The following KRT40 variants were observed in gnomAD, a reference collection of about 807,000 sequenced individuals.
KRT40 encodes keratin 40.
KRT40 carries 47 observed loss-of-function variants against 43.5 expected under a neutral mutation model. The observed-to-expected ratio is 1.08, with a 90% CI of 0.86 to 1.38. The LOEUF (loss-of-function observed/expected upper bound fraction) is 1.38. Among genes scored for constraint, KRT40 ranks in the 40% most tolerant of loss-of-function variants. The pLI is 0.00. For synonymous variants in KRT40, 212 were observed against 214.0 expected (o/e 0.99, Z 0.08); for missense variants, 573 against 523.6 (o/e 1.09, Z -0.92).
upstream of KRT40, chr17:40,986,951 C>G (rs1397295614): frequency 6.6e-6 from 1 of 152,216 alleles, no homozygotes; most frequent in African/African-American, 2.4e-5. Flanking sequence ...GATGTTCTGT[C>G]TCACAAACCC....
chr17:40,978,888 T>C lies in KRT40; in HGVS notation c.1112A>G (p.Glu371Gly), dbSNP rs762576722. 1.4e-5 allele frequency: 22 copies of C among 1,614,072 alleles called. No homozygotes were observed. The highest frequency in any genetic ancestry group is 1.8e-5 in the Non-Finnish European group (21 of 1,180,012). The change falls in exon 6 of 7, where the codon GAG becomes GGG. Residue 371 changes from glutamate to glycine, a missense_variant. By Grantham distance (98) the Glu-to-Gly change is moderately conservative. Transcript: ENST00000377755. ...IRCDLERQNQEYQVLLDVKAR... is the reference protein window; with the variant it reads ...IRCDLERQNQGYQVLLDVKAR... ...CTTCACGTCCAGGAGCACCTGGTAC[T>C]CCTGGTTCTGTCGCTCCAGGTCGCA...
At chr17:40,980,725 T>C (rs1317421342) in intron 5 of KRT40, 60 bp downstream of exon 5, 19 of 1,521,248 alleles carry the variant, frequency 1.2e-5, no homozygotes, top group Non-Finnish European at 1.4e-5. Flanking sequence ...GGAAGAGGGC[T>C]TAACATCTCA....
In KRT40 at chr17:40,978,694, C is replaced by T. The variant is rs1911936734; in HGVS notation, c.1196+110G>A. The T allele has an allele frequency of 4.5e-6, 4 of 881,940 alleles. No homozygotes were observed. In the East Asian group the frequency reaches 9.8e-5, roughly 22 times the overall value. 54.6% of individuals were successfully genotyped at this position (881,940 alleles called of 1,614,324 possible). On this transcript the variant is annotated intron_variant, in intron 6 of 6. Coordinates refer to ENST00000377755, the MANE Select transcript of KRT40 (RefSeq NM_001389244.1). ...TTTCAGCACTTTTTTAAGAAGATCC[C>T]TAAACACACTGGGGAGGTCTGAACT...
intron 5 of KRT40, 25 bp downstream of exon 5, chr17:40,980,760 C>T (rs201112095): frequency 8.1e-5 from 126 of 1,564,592 alleles, no homozygotes; most frequent in East Asian, 7.6e-4. Flanking sequence ...AGTGACACAA[C>T]GGACACTGCC....
At position 40,984,023 on chromosome 17, in the gene KRT40, A is replaced by G; in HGVS notation, c.251T>C (p.Val84Ala). The change falls in exon 1 of 7, where the codon GTG (valine) becomes GCG (alanine). Residue 84 changes from valine (V) to alanine (A), a missense_variant. Val to Ala is a moderately conservative substitution (Grantham distance 64). Coordinates refer to ENST00000377755, the MANE Select transcript of KRT40 (RefSeq NM_001389244.1). ...CGTCTCCTTCTCATTGCTAGTGAAC[A>G]CCCCATCCTCACACCAGGCACAGTT... ...VGNCAWCEDG[V>A]FTSNEKETMQ... 3 of 1,613,938 alleles carry G rather than the reference A, an allele frequency of 1.9e-6. No homozygotes were observed. Among genetic ancestry groups the G allele is most frequent in the Non-Finnish European group, 2.5e-6 (3 of 1,180,016 alleles).
At chr17:40,979,099 G>T in intron 5 of KRT40, 75 bp from the exon 6 acceptor site, 2 of 1,171,312 alleles carry the variant, frequency 1.7e-6, no homozygotes, top group Non-Finnish European at 2.5e-6. Context: ...TCAAATTCCT[G>T]CTTACCCTTT....
intron 2 of KRT40, 83 bp from the exon 3 acceptor site, chr17:40,982,546 G>T (rs548597808): frequency 8.7e-7 from 1 of 1,146,890 alleles, no homozygotes; most frequent in Non-Finnish European, 1.2e-6. Context: ...TCGACACACG[G>T]ACTTCAGGAA....
At chr17:40,985,514 G>A (rs1912430721), upstream of KRT40, among the ~76,000 whole-genome samples, 2 of 152,130 alleles carry the variant, frequency 1.3e-5, no homozygotes, top group African/African-American at 2.4e-5. Flanking sequence ...ATCTGAAAAA[G>A]TTAAAAAATT....
intron 1 of KRT40, among the ~76,000 whole-genome samples, chr17:40,983,491 A>G (rs1205036100): frequency 6.6e-6 from 1 of 152,244 alleles, no homozygotes; most frequent in Non-Finnish European, 1.5e-5. Flanking sequence ...GTAGTTAAAA[A>G]GATGGCATTT....
chr17:40,978,453 A>C (rs1911917116), intron 6 of KRT40, among the ~76,000 whole-genome samples, 157 bp from the exon 7 acceptor site: 1 of 152,226 alleles, frequency 6.6e-6, no homozygotes, highest in Admixed American at 6.5e-5. Flanking sequence ...TGCACCCAGA[A>C]TTGCCACTTC....
intron 3 of KRT40, 103 bp downstream of exon 3, chr17:40,982,204 A>T: frequency 3.5e-6 from 4 of 1,148,066 alleles, no homozygotes; most frequent in Admixed American, 2.7e-5. Context: ...ATTCCAGCTT[A>T]AACAACATCT....
chr17:40,980,813 T>A lies in KRT40; in HGVS notation c.947A>T (p.Glu316Val). The stretch of plus-strand genomic sequence containing the variant: ...GCTTTGCTGTGCTTGGAGCTCAATT[T>A]CCAGAGCACTGGCTGTGCGTTTCAG... ...LELKRTASAL[E>V]IELQAQQSLT... The change falls in exon 5 of 7, where the codon GAA (glutamate) becomes GTA (valine). Residue 316 changes from glutamate to valine, a missense_variant. Coordinates refer to ENST00000377755, the MANE Select transcript of KRT40 (RefSeq NM_001389244.1). 6.2e-7 allele frequency: 1 copy of A among 1,610,164 alleles called. No individual in the cohort carries two copies. Among genetic ancestry groups the A allele is most frequent in the Non-Finnish European group, 8.5e-7 (1 of 1,179,482 alleles).
rs1218557737 is a variant in KRT40 at position 40,978,186 on chromosome 17, G to A, written c.*11C>T. 1.3e-6 allele frequency: 2 copies of A among 1,596,264 alleles called. No individual in the cohort carries two copies. Among genetic ancestry groups the A allele is most frequent in the Admixed American group, 1.7e-5 (1 of 59,984 alleles). ...GCTGGCTTTGATTCCTCTACCTGCT[G>A]TCCTTAACATTCACAAGCAGCAGTT... On this transcript the variant is annotated 3_prime_UTR_variant, in exon 7 of 7. Transcript: ENST00000377755.
intron 3 of KRT40, 29 bp downstream of exon 3, chr17:40,982,278 T>A (rs754164796): frequency 8.7e-6 from 13 of 1,502,252 alleles, no homozygotes; most frequent in Non-Finnish European, 1.1e-5. Context: ...ACTCTCGGAG[T>A]CCTTCAGCGG....
In KRT40 at chr17:40,984,172, G is replaced by T. The variant is rs376601595; in HGVS notation, c.102C>A (p.Leu34=). 2 of 1,613,984 alleles carry T rather than the reference G, an allele frequency of 1.2e-6. No individual in the cohort carries two copies. Among genetic ancestry groups the T allele is most frequent in the African/African-American group, 2.7e-5 (2 of 74,890 alleles). The change falls in exon 1 of 7, where the codon CTC becomes CTA. Residue 34 remains leucine, a synonymous_variant. Coordinates refer to ENST00000377755, the MANE Select transcript of KRT40 (RefSeq NM_001389244.1). ...ATCGGGATGTAGCACAGGTACCGGG[G>T]AGACAAGCTGTTTCCACGGAGCAGC... ...ASSCSVETAC[L]PGTCATSRCQ... is the part of the protein sequence containing the mutation.
At chr17:40,984,455 T>G, upstream of KRT40, 1 of 591,876 alleles carries the variant, frequency 1.7e-6, no homozygotes, top group Non-Finnish European at 3.0e-6. Flanking sequence ...GTTTATTTAC[T>G]GAGGAAGAGT....
upstream of KRT40, among the ~76,000 whole-genome samples, chr17:40,984,860 A>AGTGT (rs1555567602): frequency 4.9e-3 from 740 of 151,562 alleles, 10 homozygotes; most frequent in East Asian, 0.034. Flanking sequence ...TTGGGTTTAA[A>AGTGT]GTGTGTGTGT....
At position 40,980,802 on chromosome 17, in the gene KRT40, G is replaced by C; in HGVS notation, c.958C>G (p.Gln320Glu). Residue 320 changes from glutamine (Q) to glutamate (E), a missense_variant, in exon 5 of 7, where the codon CAA becomes GAA. Gln to Glu is a conservative substitution (Grantham distance 29). Coordinates refer to ENST00000377755, the MANE Select transcript of KRT40 (RefSeq NM_001389244.1). The part of the protein sequence containing the change: ...RTASALEIEL[Q>E]AQQSLTESLE... ...TCACGCACCAGGCTTTGCTGTGCTTGGAGCTCAATTTCCAGAGCACTGGCT... is the reference window on the plus strand; with the variant it reads ...TCACGCACCAGGCTTTGCTGTGCTTCGAGCTCAATTTCCAGAGCACTGGCT... The C allele has an allele frequency of 1.2e-6, 2 of 1,607,152 alleles. No homozygotes were observed. The highest frequency in any genetic ancestry group is 1.7e-6 in the Non-Finnish European group (2 of 1,178,886).
rs9910073 is a variant in KRT40 at position 40,977,863 on chromosome 17, G to T, written c.*334C>A. ...TTTTCAGCCTGGGTTTATGTACATT[G>T]AAACTATGGTTATGGGTTTAGATGA... On this transcript the variant is annotated 3_prime_UTR_variant, in exon 7 of 7. Transcript: ENST00000377755. 66,043 of 183,826 alleles carry T rather than the reference G, an allele frequency of 0.36. 14,595 individuals are homozygous for T. Among genetic ancestry groups the T allele is most frequent in the African/African-American group, 0.66 (28,157 of 42,676 alleles). 11.4% of individuals were successfully genotyped at this position (183,826 alleles called of 1,614,324 possible).
Sources: allele counts gnomAD v4.1 joint callset (sites outside exome capture counted in the v4.1 genomes callset), GRCh38; gene constraint gnomAD v4.1.1; transcripts MANE v1.5; gene names NCBI Gene and HGNC (gene_info 2026-07-23, HGNC 2026-07-21).